The following RYR3 variants were observed in gnomAD, a reference collection of about 807,000 sequenced individuals.
The protein encoded by RYR3 is ryanodine receptor 3, also known as brain ryanodine receptor-calcium release channel.
Under a neutral mutation model 584.3 loss-of-function variants are expected in RYR3, and 207 were observed. The ratio of observed to expected loss-of-function variants is 0.35; its 90% CI spans 0.32 to 0.40. The LOEUF is 0.40. Ranked by LOEUF, RYR3 falls within the 10% of genes least tolerant of loss-of-function variation. The pLI, the probability that RYR3 is intolerant of heterozygous loss-of-function variation, is 1.00. For synonymous variants in RYR3, 2,416 were observed against 2,248.5 expected, an observed-to-expected ratio of 1.07 and a Z score of -2.11; for missense variants, 5,616 against 6,089.2, an observed-to-expected ratio of 0.92 and a Z score of 2.59.
At chr15:33,789,622 TTTTATATATATATATATATATATATATA>T (rs2074971690) in intron 67 of RYR3, among the ~76,000 whole-genome samples, 1 of 32,386 alleles carries the variant, frequency 3.1e-5, no homozygotes, top group African/African-American at 8.5e-5. Flanking sequence ...CCAGGTTTTA[TTTTATATATATATATATATATATATATA>T]TATATATATT....
chr15:33,546,816 T>A lies in RYR3; in HGVS notation c.741-1314T>A, dbSNP rs376991262. On this transcript the variant is annotated intron_variant, in intron 8 of 103. Coordinates refer to ENST00000634891, the MANE Select transcript of RYR3 (RefSeq NM_001036.6). ...ATACTACTTCTCCAGAAAAAAAAAA[T>A]AAGTATACATTTTCTTTTCACCACT... Among the ~76,000 whole-genome samples, 256 of 151,984 alleles carry A rather than the reference T, an allele frequency of 1.7e-3. 1 individual carries two copies. Among genetic ancestry groups the A allele is most frequent in the African/African-American group, 5.8e-3 (240 of 41,482 alleles).
At chr15:33,692,728 G>C (rs1391788196) in intron 38 of RYR3, among the ~76,000 whole-genome samples, 3 of 151,882 alleles carry the variant, frequency 2.0e-5, no homozygotes, top group African/African-American at 7.3e-5. Context: ...GGAGTGGCAG[G>C]TGTTTGCTGC....
In RYR3 at chr15:33,841,946, A is replaced by C. The variant is rs1434807308; in HGVS notation, c.13120A>C (p.Lys4374Gln). 8 of 1,600,910 alleles carry C rather than the reference A, an allele frequency of 5.0e-6. No individual in the cohort carries two copies. Among genetic ancestry groups the C allele is most frequent in the South Asian group, 2.3e-5 (2 of 88,418 alleles). Reference sequence around the variant, plus strand: ...GTGGACAGAAGTGACAAAAAAGAAGAAGCGGCGGTGTGGTCAGAAGGTTGA... The same window carrying C: ...GTGGACAGAAGTGACAAAAAAGAAGCAGCGGCGGTGTGGTCAGAAGGTTGA... ...YLWTEVTKKK[K>Q]RRCGQKVEKP... Residue 4374 changes from lysine to glutamine, a missense_variant, in exon 91 of 104, where the codon AAG becomes CAG. By Grantham distance (53) the Lys-to-Gln change is moderately conservative (BLOSUM62 1). Coordinates refer to ENST00000634891, the MANE Select transcript of RYR3 (RefSeq NM_001036.6).
chr15:33,373,002 A>T (rs1423740056), intron 1 of RYR3, among the ~76,000 whole-genome samples: 2 of 152,148 alleles, frequency 1.3e-5, no homozygotes, highest in East Asian at 1.9e-4. Flanking sequence ...AATCTAGATT[A>T]TGCACCTTGG....
chr15:33,691,629 A>G (rs571011365), intron 38 of RYR3, among the ~76,000 whole-genome samples: 1 of 152,316 alleles, frequency 6.6e-6, no homozygotes, highest in East Asian at 1.9e-4. Context: ...CCATCACACA[A>G]GTACTTTTCC....
At chr15:33,724,337 G>T (rs1474994962) in intron 45 of RYR3, among the ~76,000 whole-genome samples, 161 bp downstream of exon 45, 1 of 152,100 alleles carries the variant, frequency 6.6e-6, no homozygotes, top group Admixed American at 6.5e-5. Flanking sequence ...CCTCTGATAC[G>T]TGACTCTGCT....
At chr15:33,719,661 G>C (rs2067758310) in intron 43 of RYR3, among the ~76,000 whole-genome samples, 1 of 152,218 alleles carries the variant, frequency 6.6e-6, no homozygotes, top group Non-Finnish European at 1.5e-5. Flanking sequence ...CGAAAGTAGT[G>C]AACTGTGAGA....
chr15:33,566,933 G>A (rs2057748809), intron 12 of RYR3, 134 bp downstream of exon 12: 4 of 1,033,544 alleles, frequency 3.9e-6, no homozygotes, highest in Admixed American at 3.9e-5. Context: ...TTACCATCAA[G>A]AGCTTGAGAC....
At chr15:33,705,348 T>C (rs1177187787) in intron 42 of RYR3, among the ~76,000 whole-genome samples, 3 of 152,134 alleles carry the variant, frequency 2.0e-5, no homozygotes, top group African/African-American at 7.2e-5. Context: ...ACTTGCAAAA[T>C]AGAATATTTG....
At chr15:33,658,978 T>C (rs2062986702) in intron 32 of RYR3, among the ~76,000 whole-genome samples, 1 of 152,212 alleles carries the variant, frequency 6.6e-6, no homozygotes, top group African/African-American at 2.4e-5. Context: ...GTTATTCCAG[T>C]GAGGGACCTC....
chr15:33,634,688 T>C lies in RYR3; in HGVS notation c.3130T>C (p.Phe1044Leu). The change falls in exon 25 of 104, where the codon TTT becomes CTT. Residue 1044 changes from phenylalanine to leucine, a missense_variant. This residue lies in a region of RYR3 where 1,284 missense variants were observed against 1,344.6 expected (regional missense o/e 0.95). Transcript: ENST00000634891. The stretch of plus-strand genomic sequence containing the variant: ...CAGCCTGCGGGAAGCTGTGCGCACT[T>C]TTGTTGGTTACGGGTATAACATTGA... ...RDSLREAVRT[F>L]VGYGYNIEPS... 1.9e-6 allele frequency: 3 copies of C among 1,613,954 alleles called. No individual in the cohort carries two copies. Among genetic ancestry groups the C allele is most frequent in the Non-Finnish European group, 2.5e-6 (3 of 1,179,870 alleles).
intron 1 of RYR3, among the ~76,000 whole-genome samples, chr15:33,434,641 C>G (rs568214290): frequency 2.6e-5 from 4 of 152,254 alleles, no homozygotes; most frequent in Admixed American, 2.0e-4. Flanking sequence ...CACTCGCATA[C>G]TTGCTATTCA....
At chr15:33,325,763 T>C (rs1211703702) in intron 1 of RYR3, among the ~76,000 whole-genome samples, 2 of 129,638 alleles carry the variant, frequency 1.5e-5, no homozygotes, top group African/African-American at 5.7e-5. Flanking sequence ...CCTTCCTTCC[T>C]TCCTTCCTTC....
intron 38 of RYR3, among the ~76,000 whole-genome samples, chr15:33,681,797 A>G (rs903993702): frequency 2.6e-5 from 4 of 152,184 alleles, no homozygotes; most frequent in African/African-American, 9.7e-5. Context: ...CTCTTCTCAA[A>G]GTGATTGGAT....
chr15:33,507,562 T>A (rs2052587160), intron 3 of RYR3, among the ~76,000 whole-genome samples: 1 of 152,186 alleles, frequency 6.6e-6, no homozygotes, highest in African/African-American at 2.4e-5. Flanking sequence ...TTAGAGTATT[T>A]TCACATTTTC....
At chr15:33,762,017 A>G (rs1254379027) in intron 60 of RYR3, among the ~76,000 whole-genome samples, 3 of 152,244 alleles carry the variant, frequency 2.0e-5, no homozygotes, top group Non-Finnish European at 4.4e-5. Context: ...CCACATGATT[A>G]TCTCAATAGA....
intron 20 of RYR3, among the ~76,000 whole-genome samples, chr15:33,624,978 T>G (rs556039629): frequency 5.9e-5 from 9 of 152,348 alleles, no homozygotes; most frequent in African/African-American, 1.9e-4. Context: ...TCTTACCTCC[T>G]GTGGCTAATG....
chr15:33,421,344 G>A (rs1596062404), intron 1 of RYR3, among the ~76,000 whole-genome samples: 1 of 152,182 alleles, frequency 6.6e-6, no homozygotes, highest in Non-Finnish European at 1.5e-5. Flanking sequence ...AAGGAGACAA[G>A]ACTAAAGACA....
rs118056374 is a variant in RYR3 at position 33,808,648 on chromosome 15, G to T, written c.10026+1079G>T. Among the ~76,000 whole-genome samples, 31 of 152,152 alleles carry T rather than the reference G, an allele frequency of 2.0e-4. No individual in the cohort carries two copies. The East Asian group carries it at 5.6e-3, about 27-fold the overall frequency. On this transcript the variant is annotated intron_variant, in intron 70 of 103. Transcript: ENST00000634891. ...GTAATTTCGACTATAAATGAGTTTTGCCCTGAGTCGCAACCTTTAGAATTT... is the reference window on the plus strand; with the variant it reads ...GTAATTTCGACTATAAATGAGTTTTTCCCTGAGTCGCAACCTTTAGAATTT...
Sources: gnomAD v4.1 joint callset for allele counts (sites outside exome capture counted in the v4.1 genomes callset) on GRCh38, gnomAD v4.1.1 for gene constraint, gnomAD v4.1.1 regional missense constraint, MANE v1.5 for transcripts, NCBI Gene and HGNC (gene_info 2026-07-23, HGNC 2026-07-21) for gene names.